ZNF385D: variants seen among roughly 807,000 people sequenced by gnomAD.
The protein encoded by ZNF385D is zinc finger protein 659.
ZNF385D carries 15 observed loss-of-function variants against 35.8 expected under a neutral mutation model. That is an observed-to-expected ratio of 0.42 (90% confidence interval 0.28 to 0.64). The LOEUF (loss-of-function observed/expected upper bound fraction) is 0.64, where lower values mean the gene tolerates loss of function less well. Among genes scored for constraint, ZNF385D ranks in the 30% least tolerant of loss-of-function variants. The probability of loss-of-function intolerance (pLI) is 0.23; values close to 1 mark genes in which losing one functional copy is unlikely to be tolerated. For synonymous variants in ZNF385D, 212 were observed against 186.8 expected (o/e 1.13, Z -1.10); for missense variants, 474 against 494.6 (o/e 0.96, Z 0.39).
chr3:21,557,929 T>A (rs1176087449), intron 3 of ZNF385D, among the ~76,000 whole-genome samples: 1 of 152,168 alleles, frequency 6.6e-6, no homozygotes, highest in African/African-American at 2.4e-5. Context: ...GATTTTCTAG[T>A]TTATTTGCAT....
At chr3:21,591,146 A>G (rs2063964929) in intron 2 of ZNF385D, among the ~76,000 whole-genome samples, 1 of 152,168 alleles carries the variant, frequency 6.6e-6, no homozygotes, top group Middle Eastern at 3.2e-3. Context: ...CAGTGAGCCA[A>G]TATCATGCCA....
chr3:21,994,144 A>C (rs975232751), intron 3 of ZNF385D, among the ~76,000 whole-genome samples: 9 of 152,192 alleles, frequency 5.9e-5, no homozygotes, highest in Admixed American at 3.3e-4. Flanking sequence ...CAGCAAGCTA[A>C]ACAAACCAAA....
intron 2 of ZNF385D, among the ~76,000 whole-genome samples, chr3:22,285,626 C>T (rs1448427453): frequency 1.3e-5 from 2 of 152,014 alleles, no homozygotes; most frequent in East Asian, 3.9e-4. Flanking sequence ...TGGTGTGCCG[C>T]ACCCATCAAC....
chr3:21,782,610 A>G (rs1222999414), intron 3 of ZNF385D, among the ~76,000 whole-genome samples: 1 of 152,148 alleles, frequency 6.6e-6, no homozygotes, highest in Non-Finnish European at 1.5e-5. Flanking sequence ...TGAACAGGTT[A>G]CTTAACGTCT....
chr3:22,058,519 C>T (rs1699527544), intron 3 of ZNF385D, among the ~76,000 whole-genome samples: 1 of 152,152 alleles, frequency 6.6e-6, no homozygotes, highest in South Asian at 2.1e-4. Flanking sequence ...TTTCCAACTC[C>T]TAACTGGTCA....
chr3:21,911,182 G>T (rs935352990), intron 3 of ZNF385D, among the ~76,000 whole-genome samples: 2 of 151,806 alleles, frequency 1.3e-5, no homozygotes, highest in East Asian at 1.9e-4. Flanking sequence ...AAATACTTGG[G>T]TAATTACAAA....
chr3:21,602,472 G>A (rs2064327304), intron 2 of ZNF385D, among the ~76,000 whole-genome samples: 1 of 148,786 alleles, frequency 6.7e-6, no homozygotes, highest in Non-Finnish European at 1.5e-5. Flanking sequence ...AGGGTTAGTA[G>A]CAAAACCAAG....
At chr3:21,819,708 A>G (rs577778231) in intron 3 of ZNF385D, among the ~76,000 whole-genome samples, 2 of 146,646 alleles carry the variant, frequency 1.4e-5, no homozygotes, top group African/African-American at 4.9e-5. Context: ...ATATATATAC[A>G]CGTATATATA....
intron 3 of ZNF385D, among the ~76,000 whole-genome samples, chr3:21,522,493 C>T (rs1458149060): frequency 3.3e-5 from 5 of 152,136 alleles, no homozygotes; most frequent in Non-Finnish European, 7.3e-5. Flanking sequence ...GCATCTGCCA[C>T]CACACCCAGC....
chr3:21,768,542 T>C (rs893496273), intron 3 of ZNF385D, among the ~76,000 whole-genome samples: 7 of 151,936 alleles, frequency 4.6e-5, no homozygotes, highest in African/African-American at 1.2e-4. Flanking sequence ...TTTTAGCTCT[T>C]AGAGTAGCAG....
At chr3:21,692,492 C>T (rs892835064) in intron 1 of ZNF385D, among the ~76,000 whole-genome samples, 1 of 152,170 alleles carries the variant, frequency 6.6e-6, no homozygotes, top group Non-Finnish European at 1.5e-5. Flanking sequence ...CCCAAACTCT[C>T]CCATATTTGG....
chr3:22,073,743 G>A (rs558293948), intron 3 of ZNF385D, among the ~76,000 whole-genome samples: 1 of 152,042 alleles, frequency 6.6e-6, no homozygotes, highest in African/African-American at 2.4e-5. Context: ...AGAACTGTTT[G>A]CTGAATTGAA....
intron 1 of ZNF385D, among the ~76,000 whole-genome samples, chr3:21,725,406 A>T (rs1215846010): frequency 6.6e-6 from 1 of 152,150 alleles, no homozygotes; most frequent in Non-Finnish European, 1.5e-5. Context: ...TGTTTTTTCG[A>T]AAAGATCAAC....
intron 2 of ZNF385D, among the ~76,000 whole-genome samples, chr3:22,333,455 C>A (rs1298621710): frequency 6.6e-6 from 1 of 150,802 alleles, no homozygotes; most frequent in African/African-American, 2.5e-5. Context: ...ATGCTTTGTT[C>A]ATTTTTTTTC....
chr3:22,311,595 C>A (rs553423702), intron 2 of ZNF385D, among the ~76,000 whole-genome samples: 1 of 151,912 alleles, frequency 6.6e-6, no homozygotes, highest in Non-Finnish European at 1.5e-5. Context: ...TATTTCTAAA[C>A]GTAAAGATGT....
chr3:21,493,765 G>C (rs933147680), intron 4 of ZNF385D, among the ~76,000 whole-genome samples: 1 of 151,888 alleles, frequency 6.6e-6, no homozygotes, highest in African/African-American at 2.4e-5. Context: ...GCCCAGCCTA[G>C]ATTTTTAATT....
rs1266914721 is a variant in ZNF385D, at chr3:21,986,121, C to T, written c.325+182696G>A. Among the ~76,000 whole-genome samples, 3 of 89,220 alleles carry T rather than the reference C, an allele frequency of 3.4e-5. 1 individual carries two copies. The highest frequency in any genetic ancestry group is 6.0e-5 in the Non-Finnish European group (3 of 50,100). The allele number at this position is 89,220 out of a possible 152,430, so 58.5% of individuals were successfully genotyped here. ...TGTTGATCCTTTCAAAAAACCAGCT[C>T]CTGGATTCATTGATTTTTTGAAGGG... On this transcript the variant is annotated intron_variant, in intron 3 of 5. Transcript: ENST00000494108.
chr3:21,966,874 G>T (rs575327484), intron 3 of ZNF385D, among the ~76,000 whole-genome samples: 1 of 152,212 alleles, frequency 6.6e-6, no homozygotes, highest in African/African-American at 2.4e-5. Context: ...ATAGCGCTGC[G>T]ATTATGGGCT....
intron 4 of ZNF385D, among the ~76,000 whole-genome samples, chr3:21,455,136 A>G (rs1702714157): frequency 6.6e-6 from 1 of 152,228 alleles, no homozygotes; most frequent in African/African-American, 2.4e-5. Flanking sequence ...GGAAGAATCA[A>G]TATCGTGAAA....
Sources: allele counts gnomAD v4.1 joint callset (sites outside exome capture counted in the v4.1 genomes callset), GRCh38; gene constraint gnomAD v4.1.1; transcripts MANE v1.5; gene names NCBI Gene and HGNC (gene_info 2026-07-23, HGNC 2026-07-21).